SMIM19: variants seen among roughly 807,000 people sequenced by gnomAD.
SMIM19 encodes the protein UPF0697 protein C8orf40.
Under a neutral mutation model 13.2 loss-of-function variants are expected in SMIM19, and 6 were observed. The ratio of observed to expected loss-of-function variants is 0.45; its 90% confidence interval spans 0.25 to 0.90. The LOEUF is 0.90. Among genes scored for constraint, SMIM19 ranks in the 40% least tolerant of loss-of-function variants. The pLI is 0.19. For synonymous variants in SMIM19, 46 were observed against 43.1 expected (o/e 1.07, Z -0.27); for missense variants, 138 against 131.0 (o/e 1.05, Z -0.26).
chr8:42,550,585 A>G (rs989186377), intron 3 of SMIM19, among the ~76,000 whole-genome samples: 3 of 152,192 alleles, frequency 2.0e-5, no homozygotes, highest in African/African-American at 7.2e-5. Context: ...TTTCATGTCC[A>G]CATCTCCTTC....
chr8:42,547,737 TC>T (rs377142635), intron 2 of SMIM19, among the ~76,000 whole-genome samples: 104 of 152,358 alleles, frequency 6.8e-4, no homozygotes, highest in African/African-American at 2.4e-3. Flanking sequence ...GTGTAAATCT[TC>T]AATAAGTATT....
Position 42,549,698 on chromosome 8 carries a change from G to A in SMIM19, c.259+918G>A, listed in dbSNP as rs549165714. Among the ~76,000 whole-genome samples the A allele has an allele frequency of 7.2e-5, 11 of 152,186 alleles. No individual in the cohort carries two copies. In the East Asian group the frequency reaches 2.1e-3, roughly 29 times the overall value. On this transcript the variant is annotated intron_variant, in intron 3 of 3. Transcript: ENST00000417410. ...CAAATATATGTAATGCCACTGAACT[G>A]TACACTTAAAAATGGTTAAAATGGT...
rs1248157517 is a variant in SMIM19, at chr8:42,542,156, G to A, written c.-222G>A. 6.6e-6 allele frequency: 1 copy of A among 152,320 alleles called. No individual in the cohort carries two copies. The highest frequency in any genetic ancestry group is 1.5e-5 in the Non-Finnish European group (1 of 68,114). The allele number at this position is 152,320 out of a possible 1,614,324, so 9.4% of individuals were successfully genotyped here. ...CGGGGCCAAGACTGGAAGAGTTCAG[G>A]TTTGGGAGTCGTGTGTATAACAGCC... On this transcript the variant is annotated 5_prime_UTR_variant, in exon 1 of 4. Coordinates refer to ENST00000417410, the MANE Select transcript of SMIM19 (RefSeq NM_001135674.2).
chr8:42,541,188 C>G (rs1312263709), upstream of SMIM19: 1 of 152,140 alleles, frequency 6.6e-6, no homozygotes, highest in Non-Finnish European at 1.5e-5. Context: ...AGGAGGCGCC[C>G]GGCACTCGCA....
chr8:42,552,409 C>G (rs1014346975), intron 3 of SMIM19, 135 bp from the exon 4 acceptor site: 6 of 853,820 alleles, frequency 7.0e-6, no homozygotes, highest in Non-Finnish European at 1.0e-5. Context: ...CAGAGGGAGA[C>G]TCTATCTCTG....
At position 42,553,171 on chromosome 8, in the gene SMIM19, C is replaced by T. The variant is rs184516299; in HGVS notation, c.*563C>T. ...TAAACGATTCTCCTGCCACAGCCTC[C>T]TGAATATTCTGTTAACAGCTCTTTA... On this transcript the variant is annotated 3_prime_UTR_variant, in exon 4 of 4. Coordinates refer to ENST00000417410, the MANE Select transcript of SMIM19 (RefSeq NM_001135674.2). 6.6e-6 allele frequency: 1 copy of T among 152,174 alleles called. No homozygotes were observed. The highest frequency in any genetic ancestry group is 1.9e-4 in the East Asian group (1 of 5,180). 9.4% of individuals were successfully genotyped at this position (152,174 alleles called of 1,614,324 possible). A position where few individuals can be genotyped will look rare whatever the true frequency, so the allele number is the denominator to read the frequency against.
Position 42,542,345 on chromosome 8 carries a change from C to A in SMIM19, c.-33C>A. 1.4e-6 allele frequency: 1 copy of A among 712,316 alleles called. No homozygotes were observed. The highest frequency in any genetic ancestry group is 1.7e-6 in the Non-Finnish European group (1 of 580,578). 44.1% of individuals were successfully genotyped at this position (712,316 alleles called of 1,614,324 possible). A position where few individuals can be genotyped will look rare whatever the true frequency, so the allele number is the denominator to read the frequency against. On this transcript the variant is annotated 5_prime_UTR_variant, in exon 1 of 4. The change creates a new upstream start codon in the 5' untranslated region. Transcript: ENST00000417410. ...TGCCCAGCACCTGTGAATTGCTTTCCTGGATGTTGGGTGAAGGCCTGTGAG... is the reference window on the plus strand; with the variant it reads ...TGCCCAGCACCTGTGAATTGCTTTCATGGATGTTGGGTGAAGGCCTGTGAG...
chr8:42,544,899 C>A (rs981520620), intron 1 of SMIM19, among the ~76,000 whole-genome samples: 1 of 152,196 alleles, frequency 6.6e-6, no homozygotes, highest in Non-Finnish European at 1.5e-5. Flanking sequence ...CTAATGAACA[C>A]TTTGGAGGTT....
chr8:42,543,591 A>G (rs745698439), intron 1 of SMIM19, among the ~76,000 whole-genome samples: 7 of 152,226 alleles, frequency 4.6e-5, no homozygotes, highest in Admixed American at 3.9e-4. Context: ...AAAGACCTGC[A>G]TATTTGGGGC....
chr8:42,552,524 C>A lies in SMIM19; in HGVS notation c.260-20C>A. 1 of 1,613,344 alleles carries A rather than the reference C, an allele frequency of 6.2e-7. No individual in the cohort carries two copies. Among genetic ancestry groups the A allele is most frequent in the Non-Finnish European group, 8.5e-7 (1 of 1,179,622 alleles). On this transcript the variant is annotated intron_variant, in intron 3 of 3. Transcript: ENST00000417410. ...TGCAGTTTTATTAATTTTATCTCTT[C>A]TTTTTCTTGTTGTGAATAGCAAGAA...
In SMIM19 at chr8:42,553,183, T is replaced by C. The variant is rs1297172709; in HGVS notation, c.*575T>C. ...CTGCCACAGCCTCCTGAATATTCTG[T>C]TAACAGCTCTTTAATTAATGATCTT... On this transcript the variant is annotated 3_prime_UTR_variant, in exon 4 of 4. Transcript: ENST00000417410. The C allele has an allele frequency of 6.6e-6, 1 of 152,190 alleles. No individual in the cohort carries two copies. The allele number at this position is 152,190 out of a possible 1,614,324, so 9.4% of individuals were successfully genotyped here.
chr8:42,548,279 A>G lies in SMIM19; in HGVS notation c.135-377A>G. 7.2e-6 allele frequency: 3 copies of G among 416,078 alleles called. No homozygotes were observed. The Middle Eastern group carries it at 1.0e-3, about 144-fold the overall frequency. The allele number at this position is 416,078 out of a possible 1,614,324, so 25.8% of individuals were successfully genotyped here. ...CTTTCCAAAATTAGGATCTGCTCAC[A>G]TTCAGTTTATTCTCCAGCCCAGTCA... On this transcript the variant is annotated intron_variant, in intron 2 of 3. Transcript: ENST00000417410.
Position 42,548,664 on chromosome 8 carries a change from G to C in SMIM19, c.143G>C (p.Arg48Thr). ...ATGGATTTTGTGTTTAGGAACAAAA[G>C]GAGAATTATGAGGATATTCAGTGTG... ...GLFMYAKRNKRRIMRIFSVPP... is the reference protein window; with the variant it reads ...GLFMYAKRNKTRIMRIFSVPP... Residue 48 changes from arginine (R) to threonine (T), a missense_variant, in exon 3 of 4, where the codon AGG becomes ACG. Physicochemically the swap from Arg to Thr is moderately conservative, Grantham distance 71. Transcript: ENST00000417410. 6.2e-7 allele frequency: 1 copy of C among 1,613,592 alleles called. No individual in the cohort carries two copies. The highest frequency in any genetic ancestry group is 8.5e-7 in the Non-Finnish European group (1 of 1,179,802).
At chr8:42,542,537 C>A in intron 1 of SMIM19, 164 bp downstream of exon 1, 1 of 921,974 alleles carries the variant, frequency 1.1e-6, no homozygotes, top group Non-Finnish European at 1.3e-6. Flanking sequence ...AAGTGAGAGA[C>A]AAAAATGATA....
intron 1 of SMIM19, among the ~76,000 whole-genome samples, chr8:42,545,587 A>G (rs1813450375): frequency 6.6e-6 from 1 of 152,140 alleles, no homozygotes; most frequent in African/African-American, 2.4e-5. Context: ...CTGCATTGCA[A>G]CTGCCTGACC....
At chr8:42,550,282 A>G (rs1460442414) in intron 3 of SMIM19, among the ~76,000 whole-genome samples, 1 of 152,166 alleles carries the variant, frequency 6.6e-6, no homozygotes, top group African/African-American at 2.4e-5. Flanking sequence ...AATAAAATTG[A>G]TCCAAATTTC....
chr8:42,552,433 A>G (rs754622136), intron 3 of SMIM19, 111 bp from the exon 4 acceptor site: 40 of 1,229,652 alleles, frequency 3.3e-5, no homozygotes, highest in Non-Finnish European at 4.3e-5. Flanking sequence ...CAAACAGACA[A>G]AAACTAATTC....
At chr8:42,544,817 C>T (rs532872238) in intron 1 of SMIM19, among the ~76,000 whole-genome samples, 1 of 152,298 alleles carries the variant, frequency 6.6e-6, no homozygotes, top group East Asian at 1.9e-4. Context: ...TCATTTTTCT[C>T]ATATAGAGGC....
At chr8:42,550,939 G>A (rs1162090951) in intron 3 of SMIM19, among the ~76,000 whole-genome samples, 3 of 152,128 alleles carry the variant, frequency 2.0e-5, no homozygotes, top group Non-Finnish European at 2.9e-5. Flanking sequence ...GAAGACTCCC[G>A]AAGTTGTAAG....
Sources: allele counts gnomAD v4.1 joint callset (sites outside exome capture counted in the v4.1 genomes callset), GRCh38; gene constraint gnomAD v4.1.1; transcripts MANE v1.5; gene names NCBI Gene and HGNC (gene_info 2026-07-23, HGNC 2026-07-21).